PIK3C2B: variants seen among roughly 807,000 people sequenced by gnomAD.
The protein encoded by PIK3C2B is phosphatidylinositol-4-phosphate 3-kinase catalytic subunit type 2 beta.
Under a neutral mutation model 184.3 loss-of-function variants are expected in PIK3C2B, and 83 were observed. That is an observed-to-expected ratio of 0.45 (90% CI 0.38 to 0.54). PIK3C2B has a LOEUF of 0.54. Among genes scored for constraint, PIK3C2B ranks in the 20% least tolerant of loss-of-function variants. PIK3C2B has a pLI of 0.00. For missense variants in PIK3C2B, 1,736 were observed against 2,113.5 expected, an observed-to-expected ratio of 0.82 and a Z score of 3.50; for synonymous variants, 779 against 837.6, an observed-to-expected ratio of 0.93 and a Z score of 1.21.
chr1:204,465,369 C>A, intron 2 of PIK3C2B, 50 bp from the exon 3 acceptor site: 1 of 1,166,332 alleles, frequency 8.6e-7, no homozygotes. Context: ...GTGGTGTCCC[C>A]TCCCTATGAG....
rs1236680558 is a variant in PIK3C2B, at chr1:204,489,871, T to C, written c.-85+4485A>G. The C allele has an allele frequency of 3.5e-5, 14 of 397,500 alleles. No individual in the cohort carries two copies. The East Asian group carries it at 4.6e-4, about 13-fold the overall frequency. The allele number at this position is 397,500 out of a possible 1,614,324, so 24.6% of individuals were successfully genotyped here. ...AGTTTTTCCTCAAAATGGAATCCTT[T>C]TGGCCCTCTACTCTTCTTCCCTCAT... On this transcript the variant is annotated intron_variant, in intron 1 of 32. Transcript: ENST00000684373.
rs560422988 is a variant in PIK3C2B, at chr1:204,432,787, G to A, written c.3954-386C>T. ...TTCAGCGGGAGAGGTCCTGTGTTAG[G>A]AGACCTAACAGAGAAAGTTTAATTC... On this transcript the variant is annotated intron_variant, in intron 26 of 32. Coordinates refer to ENST00000684373, the MANE Select transcript of PIK3C2B (RefSeq NM_001377334.1). 3.8e-4 allele frequency among the ~76,000 whole-genome samples: 58 copies of A among 152,292 alleles called. 1 individual carries two copies. The highest frequency in any genetic ancestry group is 3.4e-3 in the Admixed American group (52 of 15,306).
In PIK3C2B at chr1:204,457,553, T is replaced by A. The variant is rs551359143; in HGVS notation, c.1713+175A>T. Among the ~76,000 whole-genome samples, 41 of 152,330 alleles carry A rather than the reference T, an allele frequency of 2.7e-4. No homozygotes were observed. In the East Asian group the frequency reaches 2.7e-3, roughly 10 times the overall value. Reference sequence around the variant, plus strand: ...TCAACCTCAGGAAGAGGAGACACACTTGGCATCCATTTCTGAAGAGCTCTT... The same window carrying A: ...TCAACCTCAGGAAGAGGAGACACACATGGCATCCATTTCTGAAGAGCTCTT... On this transcript the variant is annotated intron_variant, in intron 9 of 32. Coordinates refer to ENST00000684373, the MANE Select transcript of PIK3C2B (RefSeq NM_001377334.1).
intron 23 of PIK3C2B, among the ~76,000 whole-genome samples, chr1:204,437,294 C>T (rs1572296038): frequency 1.3e-5 from 2 of 151,588 alleles, no homozygotes; most frequent in Non-Finnish European, 2.9e-5. Context: ...CAGGAGTTCG[C>T]GACCAGCCTG....
intron 1 of PIK3C2B, among the ~76,000 whole-genome samples, chr1:204,475,713 C>A (rs1656656417): frequency 6.6e-6 from 1 of 152,174 alleles, no homozygotes; most frequent in African/African-American, 2.4e-5. Context: ...ACTCCAAAGT[C>A]ACAGGAAAGA....
intron 1 of PIK3C2B, among the ~76,000 whole-genome samples, chr1:204,481,545 C>T (rs748821234): frequency 6.6e-6 from 1 of 152,134 alleles, no homozygotes; most frequent in Non-Finnish European, 1.5e-5. Context: ...GCATGAGCCA[C>T]CACGCCGAGG....
At chr1:204,468,728 C>T (rs1044395954) in intron 2 of PIK3C2B, 142 bp downstream of exon 2, 1 of 708,064 alleles carries the variant, frequency 1.4e-6, no homozygotes, top group African/African-American at 1.8e-5. Flanking sequence ...CCTCCCCCAC[C>T]AGGGCCAGGG....
intron 29 of PIK3C2B, 43 bp downstream of exon 29, chr1:204,429,878 C>T: frequency 7.6e-6 from 10 of 1,309,930 alleles, no homozygotes; most frequent in Non-Finnish European, 9.9e-6. Context: ...CCCAACCATC[C>T]CCACCAGCCT....
chr1:204,465,172 C>CCA, intron 3 of PIK3C2B, 47 bp downstream of exon 3: 1 of 820,644 alleles, frequency 1.2e-6, no homozygotes. Flanking sequence ...CCCCCCTCCC[C>CCA]ATCCCCCATA....
chr1:204,493,442 T>C (rs549506523), intron 1 of PIK3C2B, among the ~76,000 whole-genome samples: 2 of 148,472 alleles, frequency 1.3e-5, no homozygotes, highest in East Asian at 4.0e-4. Context: ...TTGGAAGGGC[T>C]GGGGCAGGGA....
Position 204,428,199 on chromosome 1 carries a change from A to C in PIK3C2B, c.4420T>G (p.Phe1474Val), listed in dbSNP as rs1234758140. The C allele has an allele frequency of 1.9e-6, 3 of 1,612,002 alleles. No individual in the cohort carries two copies. The African/African-American group carries it at 4.0e-5, about 22-fold the overall frequency. Reference sequence around the variant, plus strand: ...TTCTCATCCCGGGGCAGTGGGTGGAAGAAGGTGTACACCAAATCACACTGG... The same window carrying C: ...TTCTCATCCCGGGGCAGTGGGTGGACGAAGGTGTACACCAAATCACACTGG... ...VAECDLVYTF[F>V]HPLPRDEKAM... Residue 1474 changes from phenylalanine (F) to valine (V), a missense_variant, in exon 30 of 33, where the codon TTC (phenylalanine) becomes GTC (valine). Phe to Val is a conservative substitution (Grantham distance 50). Transcript: ENST00000684373.
intron 12 of PIK3C2B, among the ~76,000 whole-genome samples, chr1:204,454,235 C>T (rs971552040): frequency 1.3e-5 from 2 of 150,156 alleles, no homozygotes; most frequent in Non-Finnish European, 3.0e-5. Context: ...GTAATCCCAG[C>T]ACTCTGGGAG....
In PIK3C2B at chr1:204,442,581, C is replaced by T; in HGVS notation, c.3101G>A (p.Gly1034Asp). The T allele has an allele frequency of 6.4e-7, 1 of 1,556,788 alleles. No individual in the cohort carries two copies. Among genetic ancestry groups the T allele is most frequent in the Non-Finnish European group, 8.7e-7 (1 of 1,149,744 alleles). Residue 1034 changes from glycine to aspartate, a missense_variant, in exon 20 of 33, where the codon GGC (glycine) becomes GAC (aspartate). By Grantham distance (94) the Gly-to-Asp change is moderately conservative (BLOSUM62 -1). This residue lies in a region of PIK3C2B where 289 missense variants were observed against 380.4 expected (regional missense o/e 0.76). Coordinates refer to ENST00000684373, the MANE Select transcript of PIK3C2B (RefSeq NM_001377334.1). ...GGGGCTGAGTGGCAAGCGGCACGAG[C>T]CATTGAGGGCAAAGAACTGCTTCAC... The part of the protein sequence containing the change: ...EEVKQFFALN[G>D]SCRLPLSPSL...
intron 5 of PIK3C2B, among the ~76,000 whole-genome samples, chr1:204,462,443 A>C (rs1030151170): frequency 1.3e-5 from 2 of 152,160 alleles, no homozygotes; most frequent in African/African-American, 4.8e-5. Flanking sequence ...ATCAGCCTTC[A>C]CAACTAGTAA....
chr1:204,480,979 A>C (rs1657088285), intron 1 of PIK3C2B, among the ~76,000 whole-genome samples: 1 of 152,102 alleles, frequency 6.6e-6, no homozygotes, highest in Non-Finnish European at 1.5e-5. Context: ...TATCAAGGCA[A>C]TCCCTAATAG....
chr1:204,440,332 G>C lies in PIK3C2B; in HGVS notation c.3250-11C>G. 1 of 1,573,450 alleles carries C rather than the reference G, an allele frequency of 6.4e-7. No homozygotes were observed. Among genetic ancestry groups the C allele is most frequent in the South Asian group, 1.2e-5 (1 of 84,832 alleles). On this transcript the variant is annotated splice_polypyrimidine_tract_variant and intron_variant, in intron 21 of 32. Coordinates refer to ENST00000684373, the MANE Select transcript of PIK3C2B (RefSeq NM_001377334.1). ...AAGGTCGTCCCCACACTGGATGGAG[G>C]GAGAAAGTGACCAGATCTAATCTCC...
intron 29 of PIK3C2B, chr1:204,429,035 T>C: frequency 5.4e-6 from 2 of 370,778 alleles, no homozygotes; most frequent in Non-Finnish European, 1.1e-5. Flanking sequence ...ACCAGCCTGG[T>C]GACATAGTAA....
intron 1 of PIK3C2B, among the ~76,000 whole-genome samples, chr1:204,491,498 G>A (rs544806816): frequency 6.6e-6 from 1 of 152,264 alleles, no homozygotes; most frequent in African/African-American, 2.4e-5. Context: ...TTTGAGACCA[G>A]CCTGGGCAAC....
chr1:204,433,719 G>T lies in PIK3C2B; in HGVS notation c.3843+74C>A. The T allele has an allele frequency of 7.2e-7, 1 of 1,390,026 alleles. No homozygotes were observed. The highest frequency in any genetic ancestry group is 1.0e-6 in the Non-Finnish European group (1 of 985,296). 86.1% of individuals were successfully genotyped at this position (1,390,026 alleles called of 1,614,324 possible). ...GGTAAATCTCTAGAAATCCTCTGCG[G>T]CAAGACAGGGAAGTCTTAAAGATGA... On this transcript the variant is annotated intron_variant, in intron 25 of 32. Coordinates refer to ENST00000684373, the MANE Select transcript of PIK3C2B (RefSeq NM_001377334.1). The surrounding 1 kb of genome is among the most constrained non-coding windows in gnomAD (Gnocchi z 5.0).
Sources: allele counts gnomAD v4.1 joint callset (sites outside exome capture counted in the v4.1 genomes callset), GRCh38; gene constraint gnomAD v4.1.1; regional missense constraint gnomAD v4.1.1; non-coding constraint Gnocchi (gnomAD v3.1); transcripts MANE v1.5; gene names NCBI Gene and HGNC (gene_info 2026-07-23, HGNC 2026-07-21).